Variants in WDR72 observed in about 807,000 individuals in gnomAD.
WDR72 encodes WD repeat domain 72.
WDR72 carries 120 observed loss-of-function variants against 124.2 expected under a neutral mutation model. The ratio of observed to expected loss-of-function variants is 0.97; its 90% CI spans 0.83 to 1.12. The LOEUF is 1.12. WDR72 is among the 50% of genes most tolerant of loss of function. The probability of loss-of-function intolerance (pLI) is 0.00; values close to 1 mark genes in which losing one functional copy is unlikely to be tolerated. For missense variants in WDR72, 1,387 were observed against 1,278.8 expected, an observed-to-expected ratio of 1.08 and a Z score of -1.29; for synonymous variants, 452 against 441.7, an observed-to-expected ratio of 1.02 and a Z score of -0.29.
intron 18 of WDR72, among the ~76,000 whole-genome samples, chr15:53,588,766 T>C (rs866978206): frequency 7.9e-5 from 12 of 152,054 alleles, no homozygotes; most frequent in African/African-American, 2.7e-4. Context: ...TTTAGAACTA[T>C]GAATACATAT....
chr15:53,548,132 A>T (rs1893565975), intron 18 of WDR72, among the ~76,000 whole-genome samples: 1 of 152,040 alleles, frequency 6.6e-6, no homozygotes, highest in Non-Finnish European at 1.5e-5. Flanking sequence ...GTGGTCACCA[A>T]CTCTGCTTAC....
intron 9 of WDR72, among the ~76,000 whole-genome samples, chr15:53,710,532 A>G (rs2017504000): frequency 6.6e-6 from 1 of 152,232 alleles, no homozygotes; most frequent in Non-Finnish European, 1.5e-5. Context: ...CATACAACAA[A>G]GTAAAAAAAA....
chr15:53,733,985 A>G (rs1244362922), intron 1 of WDR72, among the ~76,000 whole-genome samples: 1 of 152,202 alleles, frequency 6.6e-6, no homozygotes, highest in Non-Finnish European at 1.5e-5. Flanking sequence ...TCCGAAAGAG[A>G]GGAGAAAGGG....
At chr15:53,665,916 T>C (rs2015764041) in intron 13 of WDR72, 148 bp from the exon 14 acceptor site, 2 of 765,614 alleles carry the variant, frequency 2.6e-6, no homozygotes, top group Admixed American at 4.7e-5. Flanking sequence ...CTGGGAGCTT[T>C]TCCTAAATTA....
At chr15:53,745,878 C>A (rs145655378) in intron 1 of WDR72, among the ~76,000 whole-genome samples, 1 of 152,230 alleles carries the variant, frequency 6.6e-6, no homozygotes, top group African/African-American at 2.4e-5. Flanking sequence ...GAAACTGAAC[C>A]AGGTTTACTA....
chr15:53,712,202 TG>T (rs1203944054), intron 7 of WDR72, among the ~76,000 whole-genome samples: 16 of 152,354 alleles, frequency 1.1e-4, no homozygotes, highest in African/African-American at 3.8e-4. Context: ...AATTAGGATA[TG>T]CTACTACATA....
intron 18 of WDR72, among the ~76,000 whole-genome samples, chr15:53,551,478 G>C (rs188087399): frequency 6.6e-6 from 1 of 152,150 alleles, no homozygotes; most frequent in African/African-American, 2.4e-5. Context: ...AACACCCTTG[G>C]CAACTGCACC....
intron 13 of WDR72, among the ~76,000 whole-genome samples, chr15:53,690,412 C>T (rs991370532): frequency 1.3e-5 from 2 of 152,134 alleles, no homozygotes; most frequent in Non-Finnish European, 2.9e-5. Context: ...TCCCCCATAC[C>T]ATTAAGTAAT....
intron 14 of WDR72, among the ~76,000 whole-genome samples, chr15:53,650,893 G>GT (rs71297666): frequency 0.034 from 3,591 of 106,716 alleles, 261 homozygotes; most frequent in African/African-American, 0.12. Flanking sequence ...CTCTAATTCA[G>GT]TTTTTTTTTT....
At chr15:53,678,305 T>C (rs2016250736) in intron 13 of WDR72, among the ~76,000 whole-genome samples, 1 of 152,190 alleles carries the variant, frequency 6.6e-6, no homozygotes, top group Non-Finnish European at 1.5e-5. Flanking sequence ...GTAGCAATAG[T>C]TTATCTTTCA....
intron 2 of WDR72, among the ~76,000 whole-genome samples, chr15:53,731,201 T>C (rs974542379): frequency 3.3e-5 from 5 of 152,136 alleles, no homozygotes; most frequent in Non-Finnish European, 5.9e-5. Flanking sequence ...ACTTGTCATC[T>C]CAACTTCTCC....
At chr15:53,600,454 A>T (rs1257102402) in intron 17 of WDR72, among the ~76,000 whole-genome samples, 1 of 152,168 alleles carries the variant, frequency 6.6e-6, no homozygotes, top group Non-Finnish European at 1.5e-5. Flanking sequence ...ATATTCTTTT[A>T]TGAGGCAATG....
At chr15:53,587,103 G>A (rs996837638) in intron 18 of WDR72, among the ~76,000 whole-genome samples, 4 of 151,990 alleles carry the variant, frequency 2.6e-5, no homozygotes. Flanking sequence ...GATGCCAGAT[G>A]GCCTGCAATG....
At chr15:53,546,504 G>C (rs202007118) in intron 18 of WDR72, among the ~76,000 whole-genome samples, 25,351 of 150,108 alleles carry the variant, frequency 0.17, 2,450 homozygotes, top group Middle Eastern at 0.24. Context: ...TCACACTCTG[G>C]GGACTGTGGT....
chr15:53,525,662 G>T lies in WDR72; in HGVS notation c.3149-2340C>A, dbSNP rs940032463. Reference sequence around the variant, plus strand: ...CAAAAAGGCCAGAAAGTTAGCTGTAGTTTTAGCTGCATGATCTTCATTAAA... The same window carrying T: ...CAAAAAGGCCAGAAAGTTAGCTGTATTTTTAGCTGCATGATCTTCATTAAA... On this transcript the variant is annotated intron_variant, in intron 18 of 19. Transcript: ENST00000360509. Among the ~76,000 whole-genome samples, 3 of 152,128 alleles carry T rather than the reference G, an allele frequency of 2.0e-5. No homozygotes were observed. In the East Asian group the frequency reaches 5.8e-4, roughly 30 times the overall value.
At chr15:53,761,088 C>T (rs946554660), upstream of WDR72, among the ~76,000 whole-genome samples, 3 of 152,120 alleles carry the variant, frequency 2.0e-5, no homozygotes, top group Non-Finnish European at 4.4e-5. Context: ...CACACCACTG[C>T]ACTCCAACCT....
chr15:53,719,638 C>T lies in WDR72; in HGVS notation c.261-2953G>A, dbSNP rs143699265. On this transcript the variant is annotated intron_variant, in intron 3 of 19. Transcript: ENST00000360509. ...ACTCTTGACCCAACATTTTCTCTCA[C>T]GCTCCCAAATGTGGGTACTTGCTAC... is the stretch of plus-strand genomic sequence containing the variant. 6.1e-3 allele frequency among the ~76,000 whole-genome samples: 933 copies of T among 152,260 alleles called. 5 individuals are homozygous for T. The highest frequency in any genetic ancestry group is 8.1e-3 in the Non-Finnish European group (550 of 68,016).
intron 11 of WDR72, 42 bp from the exon 12 acceptor site, chr15:53,702,396 T>C: frequency 6.6e-7 from 1 of 1,506,814 alleles, no homozygotes; most frequent in Non-Finnish European, 9.2e-7. Context: ...ATGTTATTTT[T>C]GTTCAGAAAA....
intron 14 of WDR72, among the ~76,000 whole-genome samples, chr15:53,653,376 G>C (rs752186181): frequency 6.6e-6 from 1 of 152,160 alleles, no homozygotes; most frequent in Non-Finnish European, 1.5e-5. Context: ...GAAATAAAAA[G>C]GATGCTGAGA....
Sources: allele counts gnomAD v4.1 joint callset (sites outside exome capture counted in the v4.1 genomes callset), GRCh38; gene constraint gnomAD v4.1.1; transcripts MANE v1.5; gene names NCBI Gene and HGNC (gene_info 2026-07-23, HGNC 2026-07-21).